Variants in BTG4 observed in about 807,000 individuals in gnomAD.
The protein encoded by BTG4 is BTG anti-proliferation factor 4.
Under a neutral mutation model 19.3 loss-of-function variants are expected in BTG4, and 10 were observed. The observed-to-expected ratio is 0.52, with a 90% CI of 0.32 to 0.88. The LOEUF (loss-of-function observed/expected upper bound fraction) is 0.88, where lower values mean the gene tolerates loss of function less well. BTG4 is among the 40% of genes least tolerant of loss of function. The pLI is 0.04. For synonymous variants in BTG4, 91 were observed against 95.7 expected, an observed-to-expected ratio of 0.95 and a Z score of 0.29; for missense variants, 238 against 281.9, an observed-to-expected ratio of 0.84 and a Z score of 1.11.
chr11:111,415,411 G>T, the BTG4 span, among the ~76,000 whole-genome samples: 1 of 152,164 alleles, frequency 6.6e-6, no homozygotes, highest in Admixed American at 6.5e-5. Flanking sequence ...AAAAGATAGG[G>T]CTTGCAAAGA....
chr11:111,436,029 T>C, the BTG4 span, among the ~76,000 whole-genome samples: 1 of 152,222 alleles, frequency 6.6e-6, no homozygotes, highest in Non-Finnish European at 1.5e-5. Context: ...AACCACCAGA[T>C]ATATTTTTGC....
downstream of BTG4, among the ~76,000 whole-genome samples, chr11:111,491,251 T>C (rs2135633924): frequency 6.6e-6 from 1 of 152,298 alleles, no homozygotes; most frequent in East Asian, 1.9e-4. Context: ...TGTGCAACTA[T>C]AGAAGGGCAA....
At chr11:111,448,887 C>T in the BTG4 span, among the ~76,000 whole-genome samples, 1 of 24,820 alleles carries the variant, frequency 4.0e-5, no homozygotes. Context: ...ATAGTTATAC[C>T]CAAAAAAAAA....
chr11:111,468,784 GA>G (rs977415411), intron 5 of BTG4, among the ~76,000 whole-genome samples: 2 of 152,166 alleles, frequency 1.3e-5, no homozygotes, highest in Non-Finnish European at 2.9e-5. Flanking sequence ...GGGAACCTGG[GA>G]AAAATGGAAG....
At chr11:111,409,875 T>C in the BTG4 span, among the ~76,000 whole-genome samples, 12 of 152,254 alleles carry the variant, frequency 7.9e-5, no homozygotes, top group Non-Finnish European at 1.5e-4. Flanking sequence ...TGATTAACTC[T>C]GCTTTACAAA....
chr11:111,393,529 T>C, the BTG4 span, among the ~76,000 whole-genome samples: 1 of 152,074 alleles, frequency 6.6e-6, no homozygotes, highest in East Asian at 1.9e-4. Flanking sequence ...ACTACTCTAG[T>C]CCCAAATACA....
chr11:111,491,230 C>T (rs1371710755), downstream of BTG4, among the ~76,000 whole-genome samples: 4 of 152,012 alleles, frequency 2.6e-5, no homozygotes, highest in African/African-American at 7.2e-5. Flanking sequence ...GGATGGGAGT[C>T]GGAGGAAGTG....
At chr11:111,451,563 G>C in the BTG4 span, among the ~76,000 whole-genome samples, 1 of 152,144 alleles carries the variant, frequency 6.6e-6, no homozygotes, top group African/African-American at 2.4e-5. Flanking sequence ...TCGGAAGTTC[G>C]AGACCAGCCT....
the BTG4 span, among the ~76,000 whole-genome samples, chr11:111,436,635 G>GA: frequency 0.46 from 67,043 of 145,578 alleles, 15,864 homozygotes; most frequent in Admixed American, 0.56. Flanking sequence ...CTCAAAAAAA[G>GA]AAAAAAAAAA....
the BTG4 span, among the ~76,000 whole-genome samples, chr11:111,393,190 A>T: frequency 6.6e-6 from 1 of 152,158 alleles, no homozygotes; most frequent in African/African-American, 2.4e-5. Flanking sequence ...GTTATCATGG[A>T]TCTCTTATTA....
chr11:111,463,217 T>C (rs528490328), downstream of BTG4: 2 of 152,744 alleles, frequency 1.3e-5, no homozygotes, highest in Admixed American at 6.5e-5. Flanking sequence ...TGTATTTCCA[T>C]CTTTGATAGG....
At chr11:111,406,893 T>C in the BTG4 span, among the ~76,000 whole-genome samples, 1 of 152,136 alleles carries the variant, frequency 6.6e-6, no homozygotes, top group Non-Finnish European at 1.5e-5. Flanking sequence ...TGTACAACAA[T>C]CTGTAATGCT....
the BTG4 span, among the ~76,000 whole-genome samples, chr11:111,407,521 A>C: frequency 6.6e-6 from 1 of 152,182 alleles, no homozygotes; most frequent in African/African-American, 2.4e-5. Context: ...AAGTACAAAA[A>C]ATTAGCCAGA....
chr11:111,490,508 G>A (rs1237968899), downstream of BTG4, among the ~76,000 whole-genome samples: 1 of 151,984 alleles, frequency 6.6e-6, no homozygotes, highest in African/African-American at 2.4e-5. Flanking sequence ...ATAGTTTCAG[G>A]CCACACATCT....
At chr11:111,465,446 C>T (rs1262304998), downstream of BTG4, among the ~76,000 whole-genome samples, 13 of 152,058 alleles carry the variant, frequency 8.5e-5, no homozygotes, top group Admixed American at 8.5e-4. Flanking sequence ...TTATAATATG[C>T]CACATACTAT....
At chr11:111,412,122 C>CA in the BTG4 span, among the ~76,000 whole-genome samples, 1 of 152,130 alleles carries the variant, frequency 6.6e-6, no homozygotes, top group East Asian at 1.9e-4. Context: ...TCCAGGGCTA[C>CA]AATAGACCAG....
the BTG4 span, chr11:111,451,399 A>G: frequency 2.2e-6 from 1 of 454,232 alleles, no homozygotes; most frequent in East Asian, 7.0e-5. Flanking sequence ...AGCAACCGAC[A>G]TCGGAAGATG....
At chr11:111,430,065 A>G in the BTG4 span, among the ~76,000 whole-genome samples, 1 of 152,226 alleles carries the variant, frequency 6.6e-6, no homozygotes, top group Non-Finnish European at 1.5e-5. Context: ...CTTATGGTGC[A>G]TTGTCATGTG....
the BTG4 span, among the ~76,000 whole-genome samples, chr11:111,388,966 T>C: frequency 6.6e-6 from 1 of 152,196 alleles, no homozygotes; most frequent in Non-Finnish European, 1.5e-5. Flanking sequence ...AGCCCTCCAG[T>C]GACTCAGGAG....
Sources: gnomAD v4.1 joint callset for allele counts (sites outside exome capture counted in the v4.1 genomes callset) on GRCh38, gnomAD v4.1.1 for gene constraint, MANE v1.5 for transcripts, NCBI Gene and HGNC (gene_info 2026-07-23, HGNC 2026-07-21) for gene names.